ARGLU1: variants seen among roughly 807,000 people sequenced by gnomAD.
ARGLU1 encodes arginine and glutamate rich 1.
A neutral mutation model predicts 37.6 loss-of-function variants in ARGLU1; 9 were observed. That is an observed-to-expected ratio of 0.24 (90% CI 0.14 to 0.42). The LOEUF (loss-of-function observed/expected upper bound fraction) is 0.42. Among genes scored for constraint, ARGLU1 ranks in the 10% least tolerant of loss-of-function variants. The probability of loss-of-function intolerance (pLI) is 1.00; values close to 1 mark genes in which losing one functional copy is unlikely to be tolerated. For missense variants in ARGLU1, 211 were observed against 359.2 expected (o/e 0.59, Z 3.34); for synonymous variants, 166 against 138.5 (o/e 1.20, Z -1.39).
Position 106,567,847 on chromosome 13 carries a change from T to C in ARGLU1, c.73A>G (p.Ser25Gly). 1.9e-6 allele frequency: 3 copies of C among 1,613,460 alleles called. No individual in the cohort carries two copies. Among genetic ancestry groups the C allele is most frequent in the Non-Finnish European group, 2.5e-6 (3 of 1,179,892 alleles). The change falls in exon 1 of 4, where the codon AGC becomes GGC. Residue 25 changes from serine (S) to glycine (G), a missense_variant. This residue lies in a region of ARGLU1 where 130 missense variants were observed against 179.8 expected (regional missense o/e 0.72). Transcript: ENST00000400198. This position sits in a 1 kb window ranked among gnomAD's most constrained non-coding sequence, Gnocchi z 4.3. ...TCCCGGGATCGCGACCGGGACCGGCTGCGCTTCTTGTTGTGCTTGCTGCTC... is the reference window on the plus strand; with the variant it reads ...TCCCGGGATCGCGACCGGGACCGGCCGCGCTTCTTGTTGTGCTTGCTGCTC... ...TKSSKHNKKR[S>G]RSRSRSRDKE... is the part of the protein sequence containing the mutation.
chr13:106,546,021 C>A (rs2138962974), intron 3 of ARGLU1, among the ~76,000 whole-genome samples: 1 of 152,336 alleles, frequency 6.6e-6, no homozygotes, highest in South Asian at 2.1e-4. Context: ...CTGCCCTTTA[C>A]ACTTTCCCTT....
At chr13:106,558,072 T>G in intron 2 of ARGLU1, 1 of 985,362 alleles carries the variant, frequency 1.0e-6, no homozygotes, top group Non-Finnish European at 1.2e-6. Context: ...AGCATACATA[T>G]TCAAATGATT....
rs1371085907 is a variant in ARGLU1 at position 106,541,698 on chromosome 13, T to C, written c.*2298A>G. The C allele has an allele frequency of 6.6e-6, 1 of 152,134 alleles. No individual in the cohort carries two copies. Among genetic ancestry groups the C allele is most frequent in the African/African-American group, 2.4e-5 (1 of 41,430 alleles). 9.4% of individuals were successfully genotyped at this position (152,134 alleles called of 1,614,324 possible). A position where few individuals can be genotyped will look rare whatever the true frequency, so the allele number is the denominator to read the frequency against. ...TAATTTAAAGGTTTAGTTTATACAA[T>C]TGATAATTCTGCAAACCACAATATG... On this transcript the variant is annotated 3_prime_UTR_variant, in exon 4 of 4. Coordinates refer to ENST00000400198, the MANE Select transcript of ARGLU1 (RefSeq NM_018011.4).
intron 3 of ARGLU1, among the ~76,000 whole-genome samples, chr13:106,544,876 G>T (rs1185918824): frequency 6.6e-6 from 1 of 152,184 alleles, no homozygotes; most frequent in Non-Finnish European, 1.5e-5. Context: ...ACTATAAAGT[G>T]CTATCTAATT....
Position 106,543,324 on chromosome 13 carries a change from A to G in ARGLU1, c.*672T>C, listed in dbSNP as rs545538224. 13 of 152,712 alleles carry G rather than the reference A, an allele frequency of 8.5e-5. No homozygotes were observed. Among genetic ancestry groups the G allele is most frequent in the African/African-American group, 2.9e-4 (12 of 41,590 alleles). The allele number at this position is 152,712 out of a possible 1,614,324, so 9.5% of individuals were successfully genotyped here. A position where few individuals can be genotyped will look rare whatever the true frequency, so the allele number is the denominator to read the frequency against. On this transcript the variant is annotated 3_prime_UTR_variant, in exon 4 of 4. Coordinates refer to ENST00000400198, the MANE Select transcript of ARGLU1 (RefSeq NM_018011.4). ...TAACATTAAAAAAAATTGCTTCAAC[A>G]TATGAATTTAAGACTTTACTTTATT...
At chr13:106,564,656 G>T (rs1300758117) in intron 1 of ARGLU1, among the ~76,000 whole-genome samples, 1 of 151,958 alleles carries the variant, frequency 6.6e-6, no homozygotes, top group Non-Finnish European at 1.5e-5. Flanking sequence ...TGAATGAACC[G>T]CTCTCCTCTC....
At chr13:106,556,606 A>G (rs982324405) in intron 3 of ARGLU1, among the ~76,000 whole-genome samples, 4 of 152,156 alleles carry the variant, frequency 2.6e-5, no homozygotes, top group Non-Finnish European at 5.9e-5. Flanking sequence ...TTAAGATTAT[A>G]AACTAGGAAT....
Position 106,567,632 on chromosome 13 carries a change from G to C in ARGLU1, c.288C>G (p.Asp96Glu), listed in dbSNP as rs779469935. 1.5e-5 allele frequency: 24 copies of C among 1,613,420 alleles called. No individual in the cohort carries two copies. The Middle Eastern group carries it at 8.3e-4, about 55-fold the overall frequency. Residue 96 changes from aspartate to glutamate, a missense_variant, in exon 1 of 4, where the codon GAC becomes GAG. By Grantham distance (45) the Asp-to-Glu change is conservative. Transcript: ENST00000400198. The surrounding 1 kb of genome is among the most constrained non-coding windows in gnomAD (Gnocchi z 4.3). ...GRTVSKRSSL[D>E]EKQKREEEEK... The stretch of plus-strand genomic sequence containing the variant: ...CCTCCTCCTCTCGCTTCTGCTTCTC[G>C]TCCAGGCTGCTGCGCTTGCTCACCG...
At chr13:106,562,436 C>T (rs1401889301) in intron 1 of ARGLU1, among the ~76,000 whole-genome samples, 1 of 152,160 alleles carries the variant, frequency 6.6e-6, no homozygotes, top group Admixed American at 6.5e-5. Flanking sequence ...ATAAGAGGCA[C>T]TGAACTTTCT....
At chr13:106,549,445 A>C (rs1880478576) in intron 3 of ARGLU1, among the ~76,000 whole-genome samples, 1 of 152,072 alleles carries the variant, frequency 6.6e-6, no homozygotes, top group Non-Finnish European at 1.5e-5. Context: ...ATAACCAATG[A>C]ATAAAAAAAT....
chr13:106,556,663 C>T (rs1337219183), intron 3 of ARGLU1, among the ~76,000 whole-genome samples: 2 of 152,112 alleles, frequency 1.3e-5, no homozygotes, highest in East Asian at 3.8e-4. Flanking sequence ...ACTATCTACT[C>T]CTGGTAACAA....
Position 106,557,625 on chromosome 13 carries a change from T to C in ARGLU1, c.574-494A>G, listed in dbSNP as rs1367514180. ...ATACGCGCCAGCTTCCTCTTTAAAA[T>C]GATTTGTACTGTTAGCTTGGCAATA... On this transcript the variant is annotated intron_variant, in intron 2 of 3. Coordinates refer to ENST00000400198, the MANE Select transcript of ARGLU1 (RefSeq NM_018011.4). This position sits in a 1 kb window ranked among gnomAD's most constrained non-coding sequence, Gnocchi z 5.0. 6.3e-7 allele frequency: 1 copy of C among 1,598,238 alleles called. No individual in the cohort carries two copies. Among genetic ancestry groups the C allele is most frequent in the Non-Finnish European group, 8.5e-7 (1 of 1,172,202 alleles).
intron 3 of ARGLU1, among the ~76,000 whole-genome samples, chr13:106,546,096 GTT>G (rs2138963038): frequency 6.6e-6 from 1 of 152,086 alleles, no homozygotes; most frequent in East Asian, 1.9e-4. Context: ...GTTACTTCTT[GTT>G]TTATATTCTC....
chr13:106,563,371 G>C (rs1361060149), intron 1 of ARGLU1, among the ~76,000 whole-genome samples: 2 of 152,160 alleles, frequency 1.3e-5, no homozygotes, highest in Non-Finnish European at 2.9e-5. Context: ...GGATGTTGCT[G>C]AGCTGTTTCT....
At chr13:106,556,976 T>C in intron 3 of ARGLU1, 72 bp downstream of exon 3, 1 of 1,367,078 alleles carries the variant, frequency 7.3e-7, no homozygotes, top group Non-Finnish European at 1.0e-6. Context: ...GGCACAAAAA[T>C]CAATCCACAA....
chr13:106,550,800 T>G (rs1021003070), intron 3 of ARGLU1, among the ~76,000 whole-genome samples: 2 of 152,164 alleles, frequency 1.3e-5, no homozygotes, highest in African/African-American at 4.8e-5. Flanking sequence ...GTGTGGACAC[T>G]TCACTCCAAG....
chr13:106,555,476 C>G (rs553349289), intron 3 of ARGLU1, among the ~76,000 whole-genome samples: 15 of 152,276 alleles, frequency 9.9e-5, no homozygotes, highest in Middle Eastern at 6.8e-3. Context: ...ACAAACTAAT[C>G]AATCCCCAAC....
intron 3 of ARGLU1, among the ~76,000 whole-genome samples, chr13:106,556,652 T>C (rs1880668554): frequency 6.6e-6 from 1 of 152,162 alleles, no homozygotes; most frequent in Non-Finnish European, 1.5e-5. Context: ...ATCAAATAAA[T>C]ACTATCTACT....
chr13:106,567,626 C>T lies in ARGLU1; in HGVS notation c.294G>A (p.Lys98=), dbSNP rs201929164. Residue 98 remains lysine, a synonymous_variant, in exon 1 of 4, where the codon AAG becomes AAA. Transcript: ENST00000400198. This position sits in a 1 kb window ranked among gnomAD's most constrained non-coding sequence, Gnocchi z 4.3. ...TCTTCTCCTCCTCCTCTCGCTTCTGCTTCTCGTCCAGGCTGCTGCGCTTGC... is the reference window on the plus strand; with the variant it reads ...TCTTCTCCTCCTCCTCTCGCTTCTGTTTCTCGTCCAGGCTGCTGCGCTTGC... ...TVSKRSSLDE[K]QKREEEEKKA... 3.7e-6 allele frequency: 6 copies of T among 1,613,596 alleles called. No individual in the cohort carries two copies. The highest frequency in any genetic ancestry group is 5.1e-6 in the Non-Finnish European group (6 of 1,179,698).
Sources: allele counts gnomAD v4.1 joint callset (sites outside exome capture counted in the v4.1 genomes callset), GRCh38; gene constraint gnomAD v4.1.1; regional missense constraint gnomAD v4.1.1; non-coding constraint Gnocchi (gnomAD v3.1); transcripts MANE v1.5; gene names NCBI Gene and HGNC (gene_info 2026-07-23, HGNC 2026-07-21).